Variants in DAB1 observed in about 807,000 individuals in gnomAD.
DAB1 encodes the protein DAB adaptor protein 1.
In DAB1, 15 loss-of-function variants were observed where a neutral mutation model predicts 64.6. The ratio of observed to expected loss-of-function variants is 0.23; its 90% CI spans 0.16 to 0.36. The LOEUF (loss-of-function observed/expected upper bound fraction) is 0.36, where lower values mean the gene tolerates loss of function less well. Ranked by LOEUF, DAB1 falls within the 10% of genes least tolerant of loss-of-function variation. The pLI is 1.00. For synonymous variants in DAB1, 235 were observed against 251.9 expected (o/e 0.93, Z 0.64); for missense variants, 596 against 706.7 (o/e 0.84, Z 1.78).
intron 1 of DAB1, among the ~76,000 whole-genome samples, chr1:57,833,776 G>A (rs1652693177): frequency 6.6e-6 from 1 of 152,136 alleles, no homozygotes; most frequent in South Asian, 2.1e-4. Flanking sequence ...ATTTGGCATG[G>A]ATGACAAAAA....
intron 6 of DAB1, among the ~76,000 whole-genome samples, chr1:57,651,159 A>AC (rs924695419): frequency 1.3e-5 from 2 of 152,058 alleles, no homozygotes; most frequent in African/African-American, 4.8e-5. Flanking sequence ...AGTAAAACAA[A>AC]AAAAAAAAGA....
chr1:57,760,626 A>T (rs112840303), intron 6 of DAB1, among the ~76,000 whole-genome samples: 38,819 of 96,662 alleles, frequency 0.4, 6,095 homozygotes, highest in East Asian at 0.57. Context: ...TCTCTCACAC[A>T]CACACACACA....
Position 57,062,433 on chromosome 1 carries a change from T to C in DAB1, c.723+451A>G, listed in dbSNP as rs147516791. On this transcript the variant is annotated intron_variant, in intron 9 of 14. Transcript: ENST00000371236. ...CCTCCACTTGAGCAGGTCACTGAGC[T>C]CTGAGCTTCACTACTATCAGCTCTG... Among the ~76,000 whole-genome samples, 947 of 152,326 alleles carry C rather than the reference T, an allele frequency of 6.2e-3. 13 individuals carry two copies. The highest frequency in any genetic ancestry group is 0.021 in the African/African-American group (887 of 41,572).
intron 4 of DAB1, among the ~76,000 whole-genome samples, chr1:58,300,575 A>G (rs978434500): frequency 1.1e-4 from 2 of 18,096 alleles, no homozygotes; most frequent in Non-Finnish European, 1.2e-4. Context: ...AAAGAAAGAA[A>G]GAAAGAAAGA....
intron 7 of DAB1, among the ~76,000 whole-genome samples, chr1:57,571,557 A>G (rs887913880): frequency 1.3e-5 from 2 of 152,182 alleles, no homozygotes; most frequent in Non-Finnish European, 2.9e-5. Flanking sequence ...AGAGAGGTAC[A>G]TTACATCCTC....
chr1:58,438,633 G>A (rs1051145843), intron 3 of DAB1, among the ~76,000 whole-genome samples: 7 of 152,190 alleles, frequency 4.6e-5, no homozygotes, highest in Admixed American at 3.9e-4. Flanking sequence ...AGGCTTGCCC[G>A]GGGCCCTGGA....
intron 6 of DAB1, among the ~76,000 whole-genome samples, chr1:57,662,735 C>T (rs574775951): frequency 1.6e-4 from 25 of 152,260 alleles, no homozygotes; most frequent in African/African-American, 5.3e-4. Flanking sequence ...GGGAATAGTG[C>T]GGGTCAGATG....
intron 6 of DAB1, among the ~76,000 whole-genome samples, chr1:57,745,788 C>T (rs184162154): frequency 6.6e-6 from 1 of 152,326 alleles, no homozygotes; most frequent in Admixed American, 6.5e-5. Context: ...AAAGTCCCCT[C>T]TGATTGTCAC....
chr1:57,334,238 AG>A (rs1463114846), intron 1 of DAB1, among the ~76,000 whole-genome samples: 1 of 152,248 alleles, frequency 6.6e-6, no homozygotes, highest in African/African-American at 2.4e-5. Flanking sequence ...CTCCAAGCTC[AG>A]GACTCAGGCC....
intron 1 of DAB1, among the ~76,000 whole-genome samples, chr1:57,398,632 T>A (rs269054): frequency 0.42 from 63,357 of 152,042 alleles, 13,765 homozygotes; most frequent in African/African-American, 0.49. Context: ...AGTTAATTTT[T>A]AAAAATGTAT....
At chr1:58,425,105 A>G (rs918548682) in intron 3 of DAB1, among the ~76,000 whole-genome samples, 2 of 152,226 alleles carry the variant, frequency 1.3e-5, no homozygotes, top group Non-Finnish European at 2.9e-5. Flanking sequence ...ATGGAAGCTG[A>G]TATCTTTGTC....
At chr1:58,354,408 A>T (rs748985883) in intron 3 of DAB1, among the ~76,000 whole-genome samples, 3 of 152,184 alleles carry the variant, frequency 2.0e-5, no homozygotes, top group Non-Finnish European at 4.4e-5. Context: ...CTCTCGTAGC[A>T]TTTAAGGTGT....
intron 1 of DAB1, among the ~76,000 whole-genome samples, chr1:57,855,199 GAGGT>G (rs1461769950): frequency 6.6e-6 from 1 of 152,156 alleles, no homozygotes; most frequent in Non-Finnish European, 1.5e-5. Context: ...GGGGTGCAGT[GAGGT>G]AGTGGTAGCA....
chr1:57,834,747 C>T (rs1452413330), intron 1 of DAB1, among the ~76,000 whole-genome samples: 1 of 151,432 alleles, frequency 6.6e-6, no homozygotes. Flanking sequence ...AATATATATA[C>T]ATAAAATATG....
intron 7 of DAB1, among the ~76,000 whole-genome samples, chr1:57,516,435 G>T (rs1268113974): frequency 6.6e-5 from 10 of 152,206 alleles, no homozygotes; most frequent in Admixed American, 6.5e-4. Context: ...ATAGGAATGT[G>T]TATTTACACC....
chr1:57,391,777 ACACACACACACAC>A (rs1682383774), intron 1 of DAB1, among the ~76,000 whole-genome samples: 30 of 144,672 alleles, frequency 2.1e-4, no homozygotes, highest in Admixed American at 6.1e-4. Context: ...ACACACACAC[ACACACACACACAC>A]ACACACACAC....
chr1:58,190,984 C>G (rs1194629780), intron 4 of DAB1, among the ~76,000 whole-genome samples: 1 of 152,196 alleles, frequency 6.6e-6, no homozygotes, highest in Non-Finnish European at 1.5e-5. Flanking sequence ...TCACAGTCCC[C>G]ATCCCAGGTT....
intron 1 of DAB1, among the ~76,000 whole-genome samples, chr1:57,346,138 C>T (rs1011537813): frequency 4.6e-5 from 7 of 152,296 alleles, no homozygotes; most frequent in East Asian, 1.9e-4. Context: ...CGCTACAAAA[C>T]GGCTTAACTG....
chr1:57,655,824 T>C (rs1249506274), intron 6 of DAB1, among the ~76,000 whole-genome samples: 1 of 152,196 alleles, frequency 6.6e-6, no homozygotes, highest in African/African-American at 2.4e-5. Context: ...ATATTTGGGA[T>C]CTAGCATTGT....
Sources: gnomAD v4.1 joint callset for allele counts (sites outside exome capture counted in the v4.1 genomes callset) on GRCh38, gnomAD v4.1.1 for gene constraint, MANE v1.5 for transcripts, NCBI Gene and HGNC (gene_info 2026-07-23, HGNC 2026-07-21) for gene names.